The following POLM variants were observed in gnomAD, a reference collection of about 807,000 sequenced individuals.
POLM encodes DNA polymerase mu.
POLM carries 52 observed loss-of-function variants against 56.7 expected under a neutral mutation model. The ratio of observed to expected loss-of-function variants is 0.92; its 90% CI spans 0.73 to 1.15. The LOEUF is 1.15. POLM is among the 50% of genes most tolerant of loss of function. The pLI is 0.00. For missense variants in POLM, 660 were observed against 663.6 expected, an observed-to-expected ratio of 0.99 and a Z score of 0.06; for synonymous variants, 273 against 274.3, an observed-to-expected ratio of 1.00 and a Z score of 0.05.
chr7:44,079,527 C>T (rs1358464364), intron 4 of POLM, 44 bp downstream of exon 4: 2 of 1,578,300 alleles, frequency 1.3e-6, no homozygotes, highest in Middle Eastern at 1.9e-4. Context: ...GCCCCAAGGC[C>T]TCCCCACCCA....
intron 5 of POLM, 74 bp downstream of exon 5, chr7:44,078,666 T>G: frequency 7.2e-7 from 1 of 1,386,534 alleles, no homozygotes; most frequent in Non-Finnish European, 1.0e-6. Context: ...TGCCTCCCCG[T>G]GCATGGTGTG....
In POLM at chr7:44,073,442, C is replaced by T. The variant is rs1448021165; in HGVS notation, c.1399-65G>A. 4 of 1,591,672 alleles carry T rather than the reference C, an allele frequency of 2.5e-6. No homozygotes were observed. In the African/African-American group the frequency reaches 4.0e-5, roughly 16 times the overall value. On this transcript the variant is annotated intron_variant, in intron 10 of 10. Coordinates refer to ENST00000242248, the MANE Select transcript of POLM (RefSeq NM_013284.4). ...CCACTGCTGCTTCCCTGCAGGAAGA[C>T]TGAGGGTGGGGAAGAGCCCAGCGCC...
intron 1 of POLM, among the ~76,000 whole-genome samples, chr7:44,081,898 A>ACCACCT (rs2096201111): frequency 6.6e-6 from 1 of 151,950 alleles, no homozygotes; most frequent in African/African-American, 2.4e-5. Context: ...GGTGCCCGCC[A>ACCACCT]CCACCTCCGG....
At position 44,074,228 on chromosome 7, in the gene POLM, T is replaced by C. The variant is rs777994866; in HGVS notation, c.974A>G (p.Lys325Arg). 2 of 1,578,188 alleles carry C rather than the reference T, an allele frequency of 1.3e-6. No individual in the cohort carries two copies. The highest frequency in any genetic ancestry group is 8.6e-7 in the Non-Finnish European group (1 of 1,161,450). Reference protein sequence around the residue: ...VTLTGGFRRGKLQGHDVDFLI... With the variant: ...VTLTGGFRRGRLQGHDVDFLI... Reference sequence around the variant, plus strand: ...GAAGTCCACGTCATGGCCCTGCAACTTCCCCCTGAGGGCGTCAGTCTGACT... The same window carrying C: ...GAAGTCCACGTCATGGCCCTGCAACCTCCCCCTGAGGGCGTCAGTCTGACT... Residue 325 changes from lysine to arginine, a missense_variant, in exon 8 of 11, where the codon AAG (lysine) becomes AGG (arginine). Transcript: ENST00000242248.
intron 3 of POLM, 43 bp downstream of exon 3, chr7:44,079,818 C>T (rs757408020): frequency 1.2e-6 from 2 of 1,611,328 alleles, no homozygotes; most frequent in Admixed American, 1.7e-5. Flanking sequence ...GTACCCTTGT[C>T]CCCAACCCCC....
chr7:44,072,368 T>C lies in POLM; in HGVS notation c.*923A>G, dbSNP rs528800692. The stretch of plus-strand genomic sequence containing the variant: ...GAGGGCCCACTCCAGGTAGATGACA[T>C]GGCCAGGGCAAAACCTGAGGCCAGA... On this transcript the variant is annotated 3_prime_UTR_variant, in exon 11 of 11. Coordinates refer to ENST00000242248, the MANE Select transcript of POLM (RefSeq NM_013284.4). 5.3e-5 allele frequency: 8 copies of C among 152,292 alleles called. No individual in the cohort carries two copies. Among genetic ancestry groups the C allele is most frequent in the Admixed American group, 1.3e-4 (2 of 15,294 alleles). 9.4% of individuals were successfully genotyped at this position (152,292 alleles called of 1,614,324 possible).
rs557968202 is a variant in POLM, at chr7:44,073,698, C to T, written c.1325G>A (p.Arg442Gln). Reference protein sequence around the residue: ...LGWTGSKLFQRELRRFSRKEK... With the variant: ...LGWTGSKLFQQELRRFSRKEK... Reference sequence around the variant, plus strand: ...CTTCCGGCTGAAGCGGCGCAGCTCCCGCTGGAAAAGCTGTAGGGAAGGGAT... The same window carrying T: ...CTTCCGGCTGAAGCGGCGCAGCTCCTGCTGGAAAAGCTGTAGGGAAGGGAT... Residue 442 changes from arginine to glutamine, a missense_variant, in exon 10 of 11, where the codon CGG becomes CAG. By Grantham distance (43) the Arg-to-Gln change is conservative. Coordinates refer to ENST00000242248, the MANE Select transcript of POLM (RefSeq NM_013284.4). The T allele has an allele frequency of 9.3e-6, 15 of 1,614,178 alleles. No homozygotes were observed. The highest frequency in any genetic ancestry group is 8.9e-5 in the East Asian group (4 of 44,880).
Position 44,074,003 on chromosome 7 carries a change from T to G in POLM, c.1094A>C (p.His365Pro). 6.2e-7 allele frequency: 1 copy of G among 1,614,050 alleles called. No homozygotes were observed. The highest frequency in any genetic ancestry group is 2.2e-5 in the East Asian group (1 of 44,888). Residue 365 changes from histidine to proline, a missense_variant, in exon 9 of 11, where the codon CAC becomes CCC. Coordinates refer to ENST00000242248, the MANE Select transcript of POLM (RefSeq NM_013284.4). ...AGGGGACTCACAGCAGCTGTGCTGGTGCTGGTGGTACAGGATGAGGCCCTG... is the reference window on the plus strand; with the variant it reads ...AGGGGACTCACAGCAGCTGTGCTGGGGCTGGTGGTACAGGATGAGGCCCTG... ...QDQGLILYHQ[H>P]QHSCCESPTR...
Position 44,078,765 on chromosome 7 carries a change from C to G in POLM, c.689G>C (p.Arg230Pro). ...CTTCATGGTCTGGTACCTCTCTGAGCGCCGAACTCTCTCCACCTCCTCACA... is the reference window on the plus strand; with the variant it reads ...CTTCATGGTCTGGTACCTCTCTGAGGGCCGAACTCTCTCCACCTCCTCACA... Reference protein sequence around the residue: ...GVCEEVERVRRSERYQTMKLF... With the variant: ...GVCEEVERVRPSERYQTMKLF... The change falls in exon 5 of 11, where the codon CGC becomes CCC. Residue 230 changes from arginine (R) to proline (P), a missense_variant. Transcript: ENST00000242248. 1 of 1,614,044 alleles carries G rather than the reference C, an allele frequency of 6.2e-7. No homozygotes were observed. The highest frequency in any genetic ancestry group is 8.5e-7 in the Non-Finnish European group (1 of 1,179,954).
In POLM at chr7:44,074,240, GCGTCAGTCTGACTCTGACT is replaced by G; in HGVS notation, c.969-26_969-8del. On this transcript the variant is annotated splice_region_variant and splice_polypyrimidine_tract_variant and intron_variant, in intron 7 of 10. Transcript: ENST00000242248. ...ATGGCCCTGCAACTTCCCCCTGAGG[GCGTCAGTCTGACTCTGACT>G]CAGGGACACGGCCTGCTCACTCCAG... The G allele has an allele frequency of 6.4e-7, 1 of 1,566,438 alleles. No homozygotes were observed.
rs1258361688 is a variant in POLM, at chr7:44,072,092, A to G, written c.*1199T>C. On this transcript the variant is annotated 3_prime_UTR_variant, in exon 11 of 11. Transcript: ENST00000242248. ...TTAAATATAGTTTGGTTCTATTTAC[A>G]TGACATTCTAGAGAAAGCAAAACTA... Among the ~76,000 whole-genome samples, 2 of 152,240 alleles carry G rather than the reference A, an allele frequency of 1.3e-5. No homozygotes were observed. The highest frequency in any genetic ancestry group is 2.4e-5 in the African/African-American group (1 of 41,456).
chr7:44,081,464 T>C (rs2096199661), intron 1 of POLM, among the ~76,000 whole-genome samples: 1 of 152,230 alleles, frequency 6.6e-6, no homozygotes, highest in Non-Finnish European at 1.5e-5. Flanking sequence ...TCCCTGGTAA[T>C]GTTAAAAAAT....
chr7:44,081,744 C>CTTTTTTTTT (rs1183469734), intron 1 of POLM, among the ~76,000 whole-genome samples: 1 of 125,408 alleles, frequency 8.0e-6, no homozygotes, highest in Admixed American at 8.2e-5. Flanking sequence ...GCAAATACGA[C>CTTTTTTTTT]TTTTTTTTTT....
chr7:44,076,315 G>T, intron 6 of POLM, 194 bp downstream of exon 6: 1 of 593,390 alleles, frequency 1.7e-6, no homozygotes. Context: ...AGTTGCTGTG[G>T]TCAGCATCGT....
intron 2 of POLM, 53 bp downstream of exon 2, chr7:44,080,680 C>A: frequency 6.4e-7 from 1 of 1,550,932 alleles, no homozygotes. Flanking sequence ...TGAGCAATGG[C>A]CTACACTGGG....
At chr7:44,079,544 C>CA in intron 4 of POLM, 27 bp downstream of exon 4, 1 of 1,280,196 alleles carries the variant, frequency 7.8e-7, no homozygotes, top group Non-Finnish European at 1.1e-6. Flanking sequence ...CCCACCCACT[C>CA]ACCCTGCTAG....
intron 6 of POLM, 93 bp downstream of exon 6, chr7:44,076,416 C>G: frequency 6.5e-7 from 1 of 1,536,450 alleles, no homozygotes; most frequent in Non-Finnish European, 8.9e-7. Flanking sequence ...ACCCTCTGCA[C>G]CAGACTGCTC....
intron 2 of POLM, 69 bp from the exon 3 acceptor site, chr7:44,080,028 G>T: frequency 8.5e-7 from 1 of 1,172,524 alleles, no homozygotes; most frequent in Non-Finnish European, 1.3e-6. Flanking sequence ...CCGTACTCAG[G>T]CTTTGTTTCT....
chr7:44,080,497 C>T (rs763032163), intron 2 of POLM: 2 of 689,420 alleles, frequency 2.9e-6, no homozygotes, highest in South Asian at 3.0e-5. Flanking sequence ...ATAAGCAGAC[C>T]CCAGAATTTG....
Sources: gnomAD v4.1 joint callset for allele counts (sites outside exome capture counted in the v4.1 genomes callset) on GRCh38, gnomAD v4.1.1 for gene constraint, MANE v1.5 for transcripts, NCBI Gene and HGNC (gene_info 2026-07-23, HGNC 2026-07-21) for gene names.